Variants in CLYBL observed in about 807,000 individuals in gnomAD.
CLYBL encodes citramalyl-CoA lyase, mitochondrial.
In CLYBL, 31 loss-of-function variants were observed where a neutral mutation model predicts 38.9. The ratio of observed to expected loss-of-function variants is 0.80; its 90% CI spans 0.60 to 1.08. The LOEUF (loss-of-function observed/expected upper bound fraction) is 1.08. Ranked by LOEUF, CLYBL falls within the 50% of genes least tolerant of loss-of-function variation. The probability of loss-of-function intolerance (pLI) is 0.00; values close to 1 mark genes in which losing one functional copy is unlikely to be tolerated. For synonymous variants in CLYBL, 171 were observed against 158.6 expected, an observed-to-expected ratio of 1.08 and a Z score of -0.59; for missense variants, 434 against 411.6, an observed-to-expected ratio of 1.05 and a Z score of -0.47.
intron 1 of CLYBL, among the ~76,000 whole-genome samples, chr13:99,733,352 T>A (rs2048620898): frequency 1.3e-5 from 2 of 152,194 alleles, no homozygotes; most frequent in South Asian, 4.1e-4. Context: ...ATTGTCCCTG[T>A]AGACAGAGAG....
Position 99,781,569 on chromosome 13 carries a change from G to A in CLYBL, c.249+8559G>A, listed in dbSNP as rs566950705. Reference sequence around the variant, plus strand: ...GGGCTCACTGTAACCTCTGCCCCCCGGGTTCAAGCAGTTCTCTTGCCTCAG... The same window carrying A: ...GGGCTCACTGTAACCTCTGCCCCCCAGGTTCAAGCAGTTCTCTTGCCTCAG... On this transcript the variant is annotated intron_variant, in intron 2 of 8. Transcript: ENST00000339105. Among the ~76,000 whole-genome samples, 57 of 152,200 alleles carry A rather than the reference G, an allele frequency of 3.7e-4. 1 individual carries two copies. The South Asian group carries it at 0.011, about 30-fold the overall frequency.
intron 7 of CLYBL, among the ~76,000 whole-genome samples, chr13:99,881,003 A>C (rs1306774250): frequency 1.3e-5 from 2 of 152,184 alleles, no homozygotes; most frequent in Non-Finnish European, 2.9e-5. Flanking sequence ...GCTGCTCAGC[A>C]TGCTGCTCCC....
intron 2 of CLYBL, among the ~76,000 whole-genome samples, chr13:99,840,610 C>T (rs1424308291): frequency 3.3e-5 from 5 of 151,600 alleles, no homozygotes; most frequent in South Asian, 2.1e-4. Context: ...ATTAGCCAGG[C>T]GTGGGGGCAT....
intron 1 of CLYBL, among the ~76,000 whole-genome samples, chr13:99,677,722 T>C (rs2047674705): frequency 6.6e-6 from 1 of 152,234 alleles, no homozygotes; most frequent in Admixed American, 6.5e-5. Flanking sequence ...AGTTTACAGT[T>C]GTTTTATCAT....
At chr13:99,844,533 C>G (rs1191781637) in intron 2 of CLYBL, among the ~76,000 whole-genome samples, 1 of 152,170 alleles carries the variant, frequency 6.6e-6, no homozygotes, top group African/African-American at 2.4e-5. Context: ...GCACATCACT[C>G]AGTGTTAAGA....
Position 99,695,405 on chromosome 13 carries a change from G to A in CLYBL, c.63-77419G>A, listed in dbSNP as rs774984916. Reference sequence around the variant, plus strand: ...AAGCCTCAAAGACCCAGGGAAAACCGCGTTTTTATGGACAGTCAAGCAGAA... The same window carrying A: ...AAGCCTCAAAGACCCAGGGAAAACCACGTTTTTATGGACAGTCAAGCAGAA... On this transcript the variant is annotated intron_variant, in intron 1 of 8. Transcript: ENST00000339105. Among the ~76,000 whole-genome samples, 5 of 152,184 alleles carry A rather than the reference G, an allele frequency of 3.3e-5. No homozygotes were observed. The East Asian group carries it at 5.8e-4, about 18-fold the overall frequency.
At chr13:99,673,926 T>A (rs1010981763) in intron 1 of CLYBL, among the ~76,000 whole-genome samples, 1 of 152,082 alleles carries the variant, frequency 6.6e-6, no homozygotes, top group Non-Finnish European at 1.5e-5. Flanking sequence ...TCCTGGTGGG[T>A]TGAGTGTTTC....
intron 1 of CLYBL, among the ~76,000 whole-genome samples, chr13:99,769,109 T>A (rs752602516): frequency 3.9e-5 from 6 of 152,132 alleles, no homozygotes; most frequent in Non-Finnish European, 8.8e-5. Flanking sequence ...ATCCTTGATA[T>A]TTGGAGGGTC....
At chr13:99,736,478 C>A (rs2048670190) in intron 1 of CLYBL, among the ~76,000 whole-genome samples, 1 of 151,826 alleles carries the variant, frequency 6.6e-6, no homozygotes, top group South Asian at 2.1e-4. Flanking sequence ...CAAACTGCAG[C>A]ATTGGAAAGG....
intron 1 of CLYBL, among the ~76,000 whole-genome samples, chr13:99,753,488 C>T (rs2139644696): frequency 6.6e-6 from 1 of 152,266 alleles, no homozygotes; most frequent in African/African-American, 2.4e-5. Flanking sequence ...TATGTTAGCT[C>T]TCCAGTTTGT....
At chr13:99,898,289 T>C (rs547056150), downstream of CLYBL, among the ~76,000 whole-genome samples, 1 of 152,352 alleles carries the variant, frequency 6.6e-6, no homozygotes, top group Admixed American at 6.5e-5. Flanking sequence ...CATTCCATTT[T>C]AGAGAGCTTT....
At chr13:99,897,576 G>A (rs939121032), downstream of CLYBL, among the ~76,000 whole-genome samples, 1 of 152,194 alleles carries the variant, frequency 6.6e-6, no homozygotes, top group Non-Finnish European at 1.5e-5. Context: ...TGACTGAGGA[G>A]GAATCCCAAA....
At chr13:99,880,832 G>A (rs2052186059) in intron 7 of CLYBL, among the ~76,000 whole-genome samples, 1 of 152,268 alleles carries the variant, frequency 6.6e-6, no homozygotes, top group Non-Finnish European at 1.5e-5. Context: ...TACAGGGGAA[G>A]GGACGGGAGG....
chr13:99,779,559 C>T (rs546320349), intron 2 of CLYBL, among the ~76,000 whole-genome samples: 2 of 152,324 alleles, frequency 1.3e-5, no homozygotes, highest in South Asian at 4.1e-4. Context: ...CCATTGTGGA[C>T]TGATACTTTT....
chr13:99,792,425 C>A (rs1229175680), intron 2 of CLYBL, among the ~76,000 whole-genome samples: 1 of 152,102 alleles, frequency 6.6e-6, no homozygotes, highest in Non-Finnish European at 1.5e-5. Flanking sequence ...TCAGAGCAGC[C>A]GCTCTCTTCT....
At chr13:99,807,099 G>C (rs1418482203) in intron 2 of CLYBL, among the ~76,000 whole-genome samples, 2 of 152,164 alleles carry the variant, frequency 1.3e-5, no homozygotes, top group Non-Finnish European at 2.9e-5. Context: ...ATTCAAGGAG[G>C]AAAGTAGCCT....
chr13:99,685,379 G>A (rs2047801789), intron 1 of CLYBL, among the ~76,000 whole-genome samples: 5 of 152,110 alleles, frequency 3.3e-5, no homozygotes. Flanking sequence ...TTCAAGAAAA[G>A]CCAATGTTTC....
chr13:99,682,965 T>TGAC (rs1459125580), intron 1 of CLYBL, among the ~76,000 whole-genome samples: 1 of 152,016 alleles, frequency 6.6e-6, no homozygotes, highest in Non-Finnish European at 1.5e-5. Flanking sequence ...CTCGAACTCC[T>TGAC]GACCTCAGGT....
intron 1 of CLYBL, among the ~76,000 whole-genome samples, chr13:99,658,592 A>G (rs1325560368): frequency 6.6e-6 from 1 of 152,136 alleles, no homozygotes; most frequent in East Asian, 1.9e-4. Flanking sequence ...CAGCCCGGCG[A>G]CAGGCCTCGG....
Sources: allele counts gnomAD v4.1 joint callset (sites outside exome capture counted in the v4.1 genomes callset), GRCh38; gene constraint gnomAD v4.1.1; transcripts MANE v1.5; gene names NCBI Gene and HGNC (gene_info 2026-07-23, HGNC 2026-07-21).